The following DHX15 variants were observed in gnomAD, a reference collection of about 807,000 sequenced individuals.
DHX15 encodes the protein ATP-dependent RNA helicase DHX15.
DHX15 carries 11 observed loss-of-function variants against 94.4 expected under a neutral mutation model. The observed-to-expected ratio is 0.12, with a 90% confidence interval of 0.07 to 0.19. The LOEUF (loss-of-function observed/expected upper bound fraction) is 0.19, where lower values mean the gene tolerates loss of function less well. Among genes scored for constraint, DHX15 ranks in the 10% least tolerant of loss-of-function variants. The pLI is 1.00. For synonymous variants in DHX15, 338 were observed against 329.9 expected (o/e 1.02, Z -0.27); for missense variants, 304 against 988.5 (o/e 0.31, Z 9.29).
chr4:24,543,989 T>C (rs902638597), intron 6 of DHX15, among the ~76,000 whole-genome samples: 3 of 152,084 alleles, frequency 2.0e-5, no homozygotes, highest in Non-Finnish European at 4.4e-5. Context: ...CACTGTGAAA[T>C]TTAAAAAGGT....
At chr4:24,540,343 G>T in intron 9 of DHX15, 44 bp from the exon 10 acceptor site, 10 of 1,505,872 alleles carry the variant, frequency 6.6e-6, no homozygotes, top group Non-Finnish European at 9.0e-6. Flanking sequence ...CCTTAAGCAA[G>T]CAAAAATGTG....
At chr4:24,532,734 C>G in intron 12 of DHX15, 130 bp downstream of exon 12, 1 of 660,242 alleles carries the variant, frequency 1.5e-6, no homozygotes. Flanking sequence ...ACTGGATGTA[C>G]CAACATTTAA....
At chr4:24,567,555 C>T (rs10938999) in intron 3 of DHX15, among the ~76,000 whole-genome samples, 52,736 of 148,698 alleles carry the variant, frequency 0.35, 9,559 homozygotes, top group South Asian at 0.48. Context: ...CCAGCCTGGG[C>T]GACAGAGCAA....
chr4:24,568,754 A>C (rs979179754), intron 3 of DHX15, among the ~76,000 whole-genome samples: 1 of 152,204 alleles, frequency 6.6e-6, no homozygotes, highest in African/African-American at 2.4e-5. Flanking sequence ...GATGAGTAAA[A>C]TCTCCCCCTT....
At chr4:24,572,388 A>G (rs113822178) in intron 2 of DHX15, among the ~76,000 whole-genome samples, 9,816 of 152,242 alleles carry the variant, frequency 0.064, 391 homozygotes, top group African/African-American at 0.11. Context: ...CACCCGCCTC[A>G]GCCTTCCAAA....
At chr4:24,560,225 A>C (rs1289922310) in intron 3 of DHX15, among the ~76,000 whole-genome samples, 2 of 151,496 alleles carry the variant, frequency 1.3e-5, no homozygotes, top group Non-Finnish European at 2.9e-5. Flanking sequence ...TTGTATTTAT[A>C]TATATGTATA....
intron 12 of DHX15, among the ~76,000 whole-genome samples, chr4:24,532,414 C>T (rs1721104133): frequency 6.6e-6 from 1 of 152,072 alleles, no homozygotes; most frequent in Non-Finnish European, 1.5e-5. Flanking sequence ...AAGACTAAAG[C>T]CAACTGTATG....
At chr4:24,577,946 T>C (rs1722311514) in intron 1 of DHX15, among the ~76,000 whole-genome samples, 1 of 152,196 alleles carries the variant, frequency 6.6e-6, no homozygotes, top group Non-Finnish European at 1.5e-5. Context: ...CATTGTTCCT[T>C]ACCCACAATA....
In DHX15 at chr4:24,528,866, G is replaced by C. The variant is rs1247358161; in HGVS notation, c.2270+735C>G. Among the ~76,000 whole-genome samples the C allele has an allele frequency of 2.6e-5, 4 of 151,468 alleles. No homozygotes were observed. The East Asian group carries it at 7.7e-4, about 29-fold the overall frequency. On this transcript the variant is annotated intron_variant, in intron 13 of 13. Transcript: ENST00000336812. ...CAATATATAAATAATAAATAGTTGA[G>C]GGCTAATTGTAATGGGACAAAAAAA...
Position 24,556,698 on chromosome 4 carries a change from C to G in DHX15, c.702-288G>C, listed in dbSNP as rs554492689. 9.2e-5 allele frequency among the ~76,000 whole-genome samples: 14 copies of G among 152,258 alleles called. 1 individual carries two copies. In the South Asian group the frequency reaches 2.9e-3, roughly 32 times the overall value. On this transcript the variant is annotated intron_variant, in intron 3 of 13. Coordinates refer to ENST00000336812, the MANE Select transcript of DHX15 (RefSeq NM_001358.3). ...ATGGAACATAATGATCACATGGTTTCACATGAATGCCAAGGCAAAATTCGT... is the reference window on the plus strand; with the variant it reads ...ATGGAACATAATGATCACATGGTTTGACATGAATGCCAAGGCAAAATTCGT...
At chr4:24,567,464 C>CG (rs1175554082) in intron 3 of DHX15, among the ~76,000 whole-genome samples, 16 of 151,880 alleles carry the variant, frequency 1.1e-4, no homozygotes, top group Admixed American at 9.2e-4. Context: ...GTAATCTCAG[C>CG]TACTTGGGAG....
Position 24,584,366 on chromosome 4 carries a change from C to G in DHX15, c.28G>C (p.Gly10Arg). MSKRHRLDL[G>R]EDYPSGKKRA... ...TTCTTGCCAGAGGGGTAATCCTCCC[C>G]TAGGTCCAACCGGTGCCGCTTGGAC... Residue 10 changes from glycine (G) to arginine (R), a missense_variant, in exon 1 of 14, where the codon GGG becomes CGG. Physicochemically the swap from Gly to Arg is moderately radical, Grantham distance 125. Around this residue, in one of 9 missense-constraint regions of DHX15, gnomAD observed 143 missense variants for 200.5 expected, o/e 0.71. Transcript: ENST00000336812. The G allele has an allele frequency of 6.2e-7, 1 of 1,613,200 alleles. No individual in the cohort carries two copies. The highest frequency in any genetic ancestry group is 8.5e-7 in the Non-Finnish European group (1 of 1,179,628).
At chr4:24,532,790 G>T in intron 12 of DHX15, 74 bp downstream of exon 12, 1 of 1,164,024 alleles carries the variant, frequency 8.6e-7, no homozygotes, top group Non-Finnish European at 1.2e-6. Flanking sequence ...GCTTTTGAGT[G>T]GATTCAAAGG....
chr4:24,540,062 A>G, intron 10 of DHX15, 46 bp downstream of exon 10: 1 of 1,398,682 alleles, frequency 7.1e-7, no homozygotes, highest in Non-Finnish European at 9.5e-7. Flanking sequence ...AAGTCCACCC[A>G]AACTTTGAAG....
chr4:24,549,348 C>G (rs977257466), intron 5 of DHX15, among the ~76,000 whole-genome samples: 1 of 152,186 alleles, frequency 6.6e-6, no homozygotes, highest in Non-Finnish European at 1.5e-5. Context: ...TTTAAATGCA[C>G]TCACGACCTT....
chr4:24,566,331 TGGCCTCAA>T (rs908697309), intron 3 of DHX15, among the ~76,000 whole-genome samples: 1 of 152,102 alleles, frequency 6.6e-6, no homozygotes, highest in Non-Finnish European at 1.5e-5. Context: ...CCTCTGCTCC[TGGCCTCAA>T]GGTATTTTTA....
rs1721620935 is a variant in DHX15 at position 24,552,084 on chromosome 4, G to A, written c.1080+2641C>T. Among the ~76,000 whole-genome samples the A allele has an allele frequency of 3.3e-5, 5 of 152,248 alleles. No homozygotes were observed. The South Asian group carries it at 1.0e-3, about 32-fold the overall frequency. On this transcript the variant is annotated intron_variant, in intron 5 of 13. Coordinates refer to ENST00000336812, the MANE Select transcript of DHX15 (RefSeq NM_001358.3). ...ACTTGCAATAAAAATTTTCCCTGAG[G>A]TTTGCCAAACTTCCAAGAAGTCAAC... is the stretch of plus-strand genomic sequence containing the variant.
intron 3 of DHX15, among the ~76,000 whole-genome samples, chr4:24,566,458 A>C (rs1011195388): frequency 2.0e-5 from 3 of 152,174 alleles, no homozygotes; most frequent in African/African-American, 4.8e-5. Context: ...CCGCTATGGC[A>C]ATGCCCTGTA....
chr4:24,533,217 CAA>C (rs776723796), intron 11 of DHX15, 163 bp from the exon 12 acceptor site: 8 of 665,304 alleles, frequency 1.2e-5, no homozygotes, highest in Non-Finnish European at 2.6e-6. Context: ...CCAACTTTCT[CAA>C]AGATCTGTAG....
Sources: allele counts gnomAD v4.1 joint callset (sites outside exome capture counted in the v4.1 genomes callset), GRCh38; gene constraint gnomAD v4.1.1; regional missense constraint gnomAD v4.1.1; transcripts MANE v1.5; gene names NCBI Gene and HGNC (gene_info 2026-07-23, HGNC 2026-07-21).